UXS1: variants seen among roughly 807,000 people sequenced by gnomAD.
UXS1 encodes UDP-glucuronic acid decarboxylase 1.
A neutral mutation model predicts 62.6 loss-of-function variants in UXS1; 33 were observed. That is an observed-to-expected ratio of 0.53 (90% CI 0.40 to 0.70). The LOEUF is 0.70. Ranked by LOEUF, UXS1 falls within the 30% of genes least tolerant of loss-of-function variation. The pLI is 0.00. For missense variants in UXS1, 434 were observed against 556.3 expected, an observed-to-expected ratio of 0.78 and a Z score of 2.21; for synonymous variants, 213 against 206.8, an observed-to-expected ratio of 1.03 and a Z score of -0.26.
chr2:106,106,817 C>A (rs764467111), intron 10 of UXS1, among the ~76,000 whole-genome samples: 1 of 152,138 alleles, frequency 6.6e-6, no homozygotes, highest in Non-Finnish European at 1.5e-5. Context: ...ACACCAGTGC[C>A]GTAGGTGTAA....
intron 1 of UXS1, chr2:106,183,885 G>C (rs1158483840): frequency 6.6e-6 from 1 of 152,150 alleles, no homozygotes; most frequent in Non-Finnish European, 1.5e-5. Flanking sequence ...GGGTGAGACC[G>C]CTTTATTCAG....
chr2:106,161,053 G>C (rs1169084430), intron 4 of UXS1, among the ~76,000 whole-genome samples: 1 of 152,276 alleles, frequency 6.6e-6, no homozygotes, highest in African/African-American at 2.4e-5. Context: ...TTGCAGTAAT[G>C]GGTGACAGAG....
At chr2:106,106,053 G>A (rs1678037130) in intron 10 of UXS1, among the ~76,000 whole-genome samples, 1 of 152,216 alleles carries the variant, frequency 6.6e-6, no homozygotes, top group Non-Finnish European at 1.5e-5. Flanking sequence ...AAAAGGGGAA[G>A]GATCAGGTGG....
intron 1 of UXS1, among the ~76,000 whole-genome samples, chr2:106,175,026 C>T (rs1289015369): frequency 6.6e-6 from 1 of 152,178 alleles, no homozygotes. Flanking sequence ...GGCACATGCT[C>T]AAACAAAAAC....
At chr2:106,094,940 G>A (rs148683284) in intron 14 of UXS1, among the ~76,000 whole-genome samples, 1 of 152,210 alleles carries the variant, frequency 6.6e-6, no homozygotes, top group Non-Finnish European at 1.5e-5. Flanking sequence ...TGTGCAGTTT[G>A]CCAATTATAT....
At chr2:106,097,798 A>T (rs1677244621) in intron 13 of UXS1, 1 of 157,810 alleles carries the variant, frequency 6.3e-6, no homozygotes, top group Admixed American at 5.9e-5. Context: ...TTCCTCACGC[A>T]GGAGGAACAC....
At chr2:106,189,065 A>C (rs1684757996) in intron 1 of UXS1, among the ~76,000 whole-genome samples, 2 of 152,250 alleles carry the variant, frequency 1.3e-5, no homozygotes, top group Non-Finnish European at 2.9e-5. Flanking sequence ...GAAAATAGGA[A>C]ATAAGAGGAT....
chr2:106,126,397 C>T (rs569126003), intron 7 of UXS1, among the ~76,000 whole-genome samples: 2 of 5,842 alleles, frequency 3.4e-4, no homozygotes, highest in South Asian at 7.0e-3. Flanking sequence ...GGCGACATAC[C>T]CCACCCCCAA....
At position 106,096,837 on chromosome 2, in the gene UXS1, A is replaced by C. The variant is rs1194365394; in HGVS notation, c.1043-16T>G. The stretch of plus-strand genomic sequence containing the variant: ...CTTCCGCTACCTGAGATGTTTAAAG[A>C]AAAAAAAGGTAGGAGAGAATCACAA... On this transcript the variant is annotated splice_polypyrimidine_tract_variant and intron_variant, in intron 13 of 14. Coordinates refer to ENST00000283148, the MANE Select transcript of UXS1 (RefSeq NM_001253875.2). 2 of 1,560,402 alleles carry C rather than the reference A, an allele frequency of 1.3e-6. No individual in the cohort carries two copies. Among genetic ancestry groups the C allele is most frequent in the African/African-American group, 2.7e-5 (2 of 73,682 alleles).
At chr2:106,108,291 AAG>A (rs1385539811) in intron 10 of UXS1, among the ~76,000 whole-genome samples, 3 of 152,230 alleles carry the variant, frequency 2.0e-5, no homozygotes. Flanking sequence ...AAGTAAAAGA[AAG>A]GGGTGTGTGT....
intron 14 of UXS1, among the ~76,000 whole-genome samples, chr2:106,094,469 C>T (rs950515398): frequency 1.3e-5 from 2 of 152,218 alleles, no homozygotes; most frequent in African/African-American, 4.8e-5. Context: ...ATGTCTACTC[C>T]AGTTTGAATC....
chr2:106,133,947 C>CA (rs1368635018), intron 6 of UXS1, among the ~76,000 whole-genome samples: 2 of 133,312 alleles, frequency 1.5e-5, no homozygotes, highest in Non-Finnish European at 3.2e-5. Flanking sequence ...AAAAACCCTT[C>CA]AAAAAATCAA....
At chr2:106,177,111 A>C (rs1683930091) in intron 1 of UXS1, among the ~76,000 whole-genome samples, 1 of 152,148 alleles carries the variant, frequency 6.6e-6, no homozygotes, top group Admixed American at 6.5e-5. Context: ...TGCCAACGTT[A>C]AGTAAAAAGG....
At chr2:106,192,783 C>T (rs1186471816) in intron 1 of UXS1, among the ~76,000 whole-genome samples, 1 of 152,122 alleles carries the variant, frequency 6.6e-6, no homozygotes, top group Non-Finnish European at 1.5e-5. Flanking sequence ...GCCTTAACTT[C>T]CTCACCTCTA....
At chr2:106,147,542 C>T (rs1681670644) in intron 5 of UXS1, among the ~76,000 whole-genome samples, 1 of 152,084 alleles carries the variant, frequency 6.6e-6, no homozygotes, top group African/African-American at 2.4e-5. Context: ...GCAATTGTGC[C>T]ACTGCACTCC....
At chr2:106,173,481 G>T (rs1683691121) in intron 1 of UXS1, among the ~76,000 whole-genome samples, 1 of 152,142 alleles carries the variant, frequency 6.6e-6, no homozygotes, top group South Asian at 2.1e-4. Context: ...TTGAGCCCAG[G>T]AGGTTGAGGC....
At chr2:106,150,451 G>A (rs568278648) in intron 5 of UXS1, among the ~76,000 whole-genome samples, 9 of 152,296 alleles carry the variant, frequency 5.9e-5, no homozygotes, top group Non-Finnish European at 8.8e-5. Flanking sequence ...AGAGGTGCTC[G>A]AGGTCACCAT....
At position 106,099,306 on chromosome 2, in the gene UXS1, G is replaced by GTA. The variant is rs752942636; in HGVS notation, c.985-534_985-533insTA. Among the ~76,000 whole-genome samples, 112 of 152,272 alleles carry GTA rather than the reference G, an allele frequency of 7.4e-4. 1 individual carries two copies. Among genetic ancestry groups the GTA allele is most frequent in the Middle Eastern group, 3.4e-3 (1 of 294 alleles). On this transcript the variant is annotated intron_variant, in intron 12 of 14. Transcript: ENST00000283148. ...ATGAAGAGAGAATACTTGTGTGGGG[G>GTA]CTTTAAGGAAAACCATTTGCTCTTT...
At chr2:106,153,914 A>G (rs1200509476) in intron 5 of UXS1, among the ~76,000 whole-genome samples, 1 of 152,246 alleles carries the variant, frequency 6.6e-6, no homozygotes. Flanking sequence ...TGAATTCTGG[A>G]GTTGAAAAAT....
Sources: gnomAD v4.1 joint callset for allele counts (sites outside exome capture counted in the v4.1 genomes callset) on GRCh38, gnomAD v4.1.1 for gene constraint, MANE v1.5 for transcripts, NCBI Gene and HGNC (gene_info 2026-07-23, HGNC 2026-07-21) for gene names.